Variants in WDR41 observed in about 807,000 individuals in gnomAD.
WDR41 encodes the protein WD repeat domain 41, also known as WD repeat-containing protein 41.
A neutral mutation model predicts 69.3 loss-of-function variants in WDR41; 63 were observed. The ratio of observed to expected loss-of-function variants is 0.91; its 90% CI spans 0.74 to 1.12. The LOEUF (loss-of-function observed/expected upper bound fraction) is 1.12. WDR41 is among the 50% of genes most tolerant of loss of function. WDR41 has a pLI of 0.00. For missense variants in WDR41, 543 were observed against 534.5 expected (o/e 1.02, Z -0.16); for synonymous variants, 185 against 192.1 (o/e 0.96, Z 0.31).
chr5:77,580,793 A>G (rs1743925126), intron 1 of WDR41, among the ~76,000 whole-genome samples: 1 of 151,798 alleles, frequency 6.6e-6, no homozygotes, highest in African/African-American at 2.4e-5. Context: ...ATCTCTACTA[A>G]AAATACAAAA....
intron 4 of WDR41, among the ~76,000 whole-genome samples, chr5:77,461,602 C>A (rs1352864513): frequency 6.6e-6 from 1 of 152,140 alleles, no homozygotes; most frequent in African/African-American, 2.4e-5. Flanking sequence ...CTTTGGGATG[C>A]CAAGGCGGGC....
chr5:77,480,426 A>G (rs1368835180), intron 2 of WDR41, among the ~76,000 whole-genome samples: 1 of 152,174 alleles, frequency 6.6e-6, no homozygotes, highest in Non-Finnish European at 1.5e-5. Context: ...AACCAACCCA[A>G]ATGTCCAACA....
chr5:77,556,389 GC>G (rs1217644812), intron 1 of WDR41, among the ~76,000 whole-genome samples: 6 of 152,244 alleles, frequency 3.9e-5, no homozygotes, highest in African/African-American at 1.4e-4. Context: ...ACAGGCGTGA[GC>G]CGTTGCACCC....
intron 7 of WDR41, among the ~76,000 whole-genome samples, chr5:77,450,123 G>T (rs1166337411): frequency 6.6e-6 from 1 of 152,152 alleles, no homozygotes; most frequent in Non-Finnish European, 1.5e-5. Flanking sequence ...TTTCCAAACA[G>T]TGAAGCTCCC....
Position 77,615,896 on chromosome 5 carries a change from G to A in WDR41, c.42+4583C>T, listed in dbSNP as rs553265337. On this transcript the variant is annotated intron_variant, in intron 1 of 5. Coordinates refer to the WDR41 transcript ENST00000509971. ...TAATCCCAGATACTCGGGAGGCTGA[G>A]GCAGGAGAATCACTTGAACCCAGGA... Among the ~76,000 whole-genome samples the A allele has an allele frequency of 1.8e-3, 274 of 152,112 alleles. 1 individual carries two copies. Among genetic ancestry groups the A allele is most frequent in the African/African-American group, 6.3e-3 (261 of 41,490 alleles).
chr5:77,466,481 C>CT (rs1448681547), intron 2 of WDR41, among the ~76,000 whole-genome samples: 2 of 151,826 alleles, frequency 1.3e-5, no homozygotes, highest in Non-Finnish European at 2.9e-5. Context: ...ATTCTTTAAA[C>CT]TTAAAATTGC....
chr5:77,493,455 C>A (rs1801887157), upstream of WDR41, among the ~76,000 whole-genome samples: 1 of 152,076 alleles, frequency 6.6e-6, no homozygotes, highest in Non-Finnish European at 1.5e-5. Context: ...TCCCAGTCAC[C>A]AATAAGAGAG....
At chr5:77,558,316 A>T (rs1242798887) in intron 1 of WDR41, among the ~76,000 whole-genome samples, 1 of 152,140 alleles carries the variant, frequency 6.6e-6, no homozygotes, top group Non-Finnish European at 1.5e-5. Context: ...TGCATGAGTA[A>T]AAATCTAAGA....
intron 2 of WDR41, among the ~76,000 whole-genome samples, chr5:77,487,280 A>T (rs1801565974): frequency 6.6e-6 from 1 of 152,226 alleles, no homozygotes; most frequent in Admixed American, 6.5e-5. Context: ...ATTTTCTTTA[A>T]TCTAGCAACT....
chr5:77,497,189 G>C (rs1433332848), upstream of WDR41, among the ~76,000 whole-genome samples: 4 of 152,036 alleles, frequency 2.6e-5, no homozygotes, highest in Non-Finnish European at 5.9e-5. Flanking sequence ...CATTAAATTT[G>C]GCAAAATTTA....
At chr5:77,550,064 C>T (rs748378750) in intron 1 of WDR41, among the ~76,000 whole-genome samples, 8 of 151,988 alleles carry the variant, frequency 5.3e-5, no homozygotes, top group African/African-American at 9.7e-5. Flanking sequence ...AAAAGGACCT[C>T]GACATTTCAC....
chr5:77,514,289 C>T (rs1412230034), intron 1 of WDR41, among the ~76,000 whole-genome samples: 1 of 152,116 alleles, frequency 6.6e-6, no homozygotes, highest in African/African-American at 2.4e-5. Context: ...ATAGCCTAGA[C>T]ATTTTCCATG....
chr5:77,460,010 C>CA lies in WDR41; in HGVS notation c.349-887dup, dbSNP rs1270452931. Among the ~76,000 whole-genome samples the CA allele has an allele frequency of 1.0e-3, 149 of 146,054 alleles. 2 individuals carry two copies. Among genetic ancestry groups the CA allele is most frequent in the Admixed American group, 7.4e-3 (109 of 14,690 alleles). On this transcript the variant is annotated intron_variant, in intron 4 of 12. Coordinates refer to ENST00000296679, the MANE Select transcript of WDR41 (RefSeq NM_018268.4). The stretch of plus-strand genomic sequence containing the variant: ...ACACTTACATAAGCCTATAGTTGGG[C>CA]AAAAAAAAAAGTCATCTGGCAACAC...
At chr5:77,534,137 C>G (rs889337822) in intron 1 of WDR41, among the ~76,000 whole-genome samples, 1 of 151,980 alleles carries the variant, frequency 6.6e-6, no homozygotes, top group Non-Finnish European at 1.5e-5. Flanking sequence ...TAAATAGACA[C>G]TTAAAAAAGT....
At chr5:77,593,371 G>A (rs779979397) in intron 1 of WDR41, among the ~76,000 whole-genome samples, 2 of 152,048 alleles carry the variant, frequency 1.3e-5, no homozygotes, top group African/African-American at 2.4e-5. Flanking sequence ...ACTATAAGCA[G>A]CAAGAGTGGA....
chr5:77,471,065 T>C (rs1350996781), intron 2 of WDR41, among the ~76,000 whole-genome samples: 2 of 152,160 alleles, frequency 1.3e-5, no homozygotes, highest in African/African-American at 2.4e-5. Context: ...ACAGAAATTA[T>C]AACAAAATGT....
intron 2 of WDR41, among the ~76,000 whole-genome samples, chr5:77,473,940 T>C (rs1224825984): frequency 1.3e-5 from 2 of 152,180 alleles, no homozygotes; most frequent in African/African-American, 4.8e-5. Flanking sequence ...ACTGGGTATA[T>C]ACCCAAAGGA....
chr5:77,529,122 G>C (rs1451344372), intron 1 of WDR41, among the ~76,000 whole-genome samples: 1 of 151,194 alleles, frequency 6.6e-6, no homozygotes, highest in Non-Finnish European at 1.5e-5. Context: ...ATGTATAATG[G>C]CATACATATA....
intron 1 of WDR41, among the ~76,000 whole-genome samples, chr5:77,548,312 C>G (rs373153849): frequency 6.6e-6 from 1 of 152,180 alleles, no homozygotes; most frequent in Admixed American, 6.5e-5. Flanking sequence ...AGCTTTTGCA[C>G]AGCAAAAGGA....
Sources: allele counts gnomAD v4.1 joint callset (sites outside exome capture counted in the v4.1 genomes callset), GRCh38; gene constraint gnomAD v4.1.1; transcripts MANE v1.5; gene names NCBI Gene and HGNC (gene_info 2026-07-23, HGNC 2026-07-21).